Variants in ZNF124 observed in about 807,000 individuals in gnomAD.
ZNF124 encodes the protein zinc finger protein HZF-16.
In ZNF124, 25 loss-of-function variants were observed where a neutral mutation model predicts 26.6. The ratio of observed to expected loss-of-function variants is 0.94; its 90% CI spans 0.68 to 1.31. ZNF124 has a LOEUF of 1.31. Ranked by LOEUF, ZNF124 falls within the 40% of genes most tolerant of loss-of-function variation. The pLI is 0.00. For synonymous variants in ZNF124, 129 were observed against 133.3 expected, an observed-to-expected ratio of 0.97 and a Z score of 0.22; for missense variants, 444 against 422.2, an observed-to-expected ratio of 1.05 and a Z score of -0.45.
chr1:247,128,858 TGGGCATTGAGTACTTCCCCCAGC>T (rs1672280639), intron 3 of ZNF124, among the ~76,000 whole-genome samples: 1 of 149,874 alleles, frequency 6.7e-6, no homozygotes, highest in South Asian at 2.1e-4. Context: ...TGGGGGAGGG[TGGGCATTGAGTACTTCCCCCAGC>T]AGGATGGGGT....
Position 247,159,989 on chromosome 1 carries a change from T to G in ZNF124, c.31-176A>C, listed in dbSNP as rs888033678. 514 of 676,204 alleles carry G rather than the reference T, an allele frequency of 7.6e-4. 1 individual carries two copies. The highest frequency in any genetic ancestry group is 2.3e-3 in the Admixed American group (51 of 22,532). 41.9% of individuals were successfully genotyped at this position (676,204 alleles called of 1,614,324 possible). On this transcript the variant is annotated intron_variant, in intron 1 of 3. Transcript: ENST00000543802. Reference sequence around the variant, plus strand: ...TCCCACATAGCAGTTCTTTTTTTTTTTTTTTTTTTTTTTTTGAGACGGAGT... The same window carrying G: ...TCCCACATAGCAGTTCTTTTTTTTTGTTTTTTTTTTTTTTTGAGACGGAGT...
chr1:247,146,572 C>T (rs983385284), intron 3 of ZNF124, among the ~76,000 whole-genome samples: 1 of 152,180 alleles, frequency 6.6e-6, no homozygotes, highest in Non-Finnish European at 1.5e-5. Context: ...TAGGTGCAGG[C>T]TCTTTTTGTC....
intron 3 of ZNF124, among the ~76,000 whole-genome samples, chr1:247,143,639 G>A (rs1672685433): frequency 6.6e-6 from 1 of 152,140 alleles, no homozygotes; most frequent in Admixed American, 6.5e-5. Context: ...TCCATCTGAG[G>A]GTAACTCTCT....
intron 3 of ZNF124, among the ~76,000 whole-genome samples, chr1:247,142,841 CT>C (rs56080219): frequency 0.26 from 37,565 of 143,622 alleles, 5,371 homozygotes; most frequent in African/African-American, 0.4. Flanking sequence ...CAGGTATTGT[CT>C]TTTTTTTTTT....
At chr1:247,132,830 C>G (rs1175929076) in intron 3 of ZNF124, among the ~76,000 whole-genome samples, 2 of 151,870 alleles carry the variant, frequency 1.3e-5, no homozygotes, top group African/African-American at 4.8e-5. Flanking sequence ...CCTGCTTGCT[C>G]AATCAATCAC....
intron 3 of ZNF124, among the ~76,000 whole-genome samples, chr1:247,133,641 A>C (rs888110222): frequency 5.3e-5 from 8 of 150,180 alleles, no homozygotes; most frequent in African/African-American, 1.7e-4. Flanking sequence ...TATTCAATCA[A>C]TATTCAATAT....
Position 247,159,404 on chromosome 1 carries a change from G to A in ZNF124, c.157+283C>T, listed in dbSNP as rs557857488. ...CCCACTTGCTTCTGCTTCATGCCCT[G>A]AGCTGAAGTAGCATCAGGTCCTTAC... On this transcript the variant is annotated intron_variant, in intron 2 of 3. Coordinates refer to ENST00000543802, the MANE Select transcript of ZNF124 (RefSeq NM_001297568.2). 7.9e-5 allele frequency among the ~76,000 whole-genome samples: 12 copies of A among 152,282 alleles called. No homozygotes were observed. In the South Asian group the frequency reaches 2.3e-3, roughly 29 times the overall value.
intron 3 of ZNF124, among the ~76,000 whole-genome samples, chr1:247,125,167 G>A (rs4925715): frequency 1.1e-4 from 17 of 151,880 alleles, no homozygotes; most frequent in Admixed American, 1.0e-3. Flanking sequence ...ATCCTCTGAC[G>A]GACACTGGAG....
chr1:247,151,780 T>A (rs1672952552), downstream of ZNF124, among the ~76,000 whole-genome samples: 1 of 151,934 alleles, frequency 6.6e-6, no homozygotes, highest in Admixed American at 6.6e-5. Context: ...CACGGAGTGA[T>A]TAATTGTCTG....
At chr1:247,144,230 C>G (rs1486536742) in intron 3 of ZNF124, among the ~76,000 whole-genome samples, 1 of 152,194 alleles carries the variant, frequency 6.6e-6, no homozygotes, top group Non-Finnish European at 1.5e-5. Context: ...CCAACTACAT[C>G]CACAAAATTA....
downstream of ZNF124, among the ~76,000 whole-genome samples, chr1:247,154,058 ACTGT>A (rs1366616742): frequency 1.3e-5 from 2 of 152,144 alleles, no homozygotes; most frequent in African/African-American, 2.4e-5. Context: ...TTGTCAGGCA[ACTGT>A]CTGAGATACC....
intron 3 of ZNF124, among the ~76,000 whole-genome samples, chr1:247,139,759 G>A (rs1220217582): frequency 6.6e-6 from 1 of 152,134 alleles, no homozygotes; most frequent in Non-Finnish European, 1.5e-5. Flanking sequence ...AGGAAGCTTA[G>A]TTTGGCTGGG....
chr1:247,146,609 A>C (rs1407516397), intron 3 of ZNF124, among the ~76,000 whole-genome samples: 9 of 152,226 alleles, frequency 5.9e-5, no homozygotes, highest in Admixed American at 5.9e-4. Flanking sequence ...AAAGTGATCA[A>C]GTTTTTCTTG....
intron 3 of ZNF124, among the ~76,000 whole-genome samples, chr1:247,146,654 A>C (rs1201475517): frequency 6.6e-6 from 1 of 151,884 alleles, no homozygotes; most frequent in Non-Finnish European, 1.5e-5. Flanking sequence ...AAATATGTCC[A>C]CTTAGCTTCA....
At chr1:247,138,715 C>G (rs985339459) in intron 3 of ZNF124, 17 of 398,492 alleles carry the variant, frequency 4.3e-5, no homozygotes, top group African/African-American at 3.5e-4. Flanking sequence ...CCAAAACTTA[C>G]TAGAGTAGAA....
At chr1:247,159,944 C>A in intron 1 of ZNF124, 131 bp from the exon 2 acceptor site, 1 of 877,598 alleles carries the variant, frequency 1.1e-6, no homozygotes, top group Non-Finnish European at 1.6e-6. Context: ...AGAACTATGA[C>A]TCTGTCTACA....
intron 3 of ZNF124, among the ~76,000 whole-genome samples, chr1:247,134,289 A>ATTTAC (rs1672435459): frequency 1.3e-5 from 2 of 152,354 alleles, no homozygotes; most frequent in Non-Finnish European, 2.9e-5. Flanking sequence ...TAAAAGCCCC[A>ATTTAC]ATTAAAAGAC....
chr1:247,166,349 C>A (rs189285335), intron 1 of ZNF124, among the ~76,000 whole-genome samples: 1 of 152,124 alleles, frequency 6.6e-6, no homozygotes, highest in Admixed American at 6.5e-5. Flanking sequence ...ACCTAGCAAT[C>A]CCATTTATTG....
chr1:247,138,788 A>G, intron 3 of ZNF124: 1 of 398,570 alleles, frequency 2.5e-6, no homozygotes, highest in Non-Finnish European at 4.4e-6. Context: ...TAATTGGCAA[A>G]TTGTTTAAAG....
Sources: allele counts gnomAD v4.1 joint callset (sites outside exome capture counted in the v4.1 genomes callset), GRCh38; gene constraint gnomAD v4.1.1; transcripts MANE v1.5; gene names NCBI Gene and HGNC (gene_info 2026-07-23, HGNC 2026-07-21).